Variants in TSPAN12 observed in about 807,000 individuals in gnomAD.
TSPAN12 encodes tetraspanin-12.
Under a neutral mutation model 39.2 loss-of-function variants are expected in TSPAN12, and 19 were observed. The ratio of observed to expected loss-of-function variants is 0.49; its 90% CI spans 0.34 to 0.71. The LOEUF is 0.71. TSPAN12 is among the 30% of genes least tolerant of loss of function. The probability of loss-of-function intolerance (pLI) is 0.01; values close to 1 mark genes in which losing one functional copy is unlikely to be tolerated. For synonymous variants in TSPAN12, 119 were observed against 124.8 expected (o/e 0.95, Z 0.31); for missense variants, 314 against 359.9 (o/e 0.87, Z 1.03).
At chr7:120,798,466 C>G (rs1273032087) in intron 7 of TSPAN12, among the ~76,000 whole-genome samples, 1 of 152,180 alleles carries the variant, frequency 6.6e-6, no homozygotes, top group African/African-American at 2.4e-5. Context: ...ACTGAACCTG[C>G]AAACTGCAAA....
chr7:120,804,732 G>A (rs2116341552), intron 7 of TSPAN12, among the ~76,000 whole-genome samples: 1 of 152,212 alleles, frequency 6.6e-6, no homozygotes, highest in South Asian at 2.1e-4. Context: ...TTGGAACATA[G>A]GATTGTTGCA....
intron 1 of TSPAN12, 40 bp from the exon 2 acceptor site, chr7:120,856,873 C>T (rs1295979961): frequency 2.5e-6 from 3 of 1,200,880 alleles, no homozygotes; most frequent in African/African-American, 1.5e-5. Flanking sequence ...GACATCTCAC[C>T]ATCACGCTTC....
chr7:120,831,848 A>G (rs952735474), intron 4 of TSPAN12, among the ~76,000 whole-genome samples: 1 of 152,082 alleles, frequency 6.6e-6, no homozygotes, highest in Non-Finnish European at 1.5e-5. Context: ...AAGTGGATGC[A>G]GTGGATATGT....
intron 5 of TSPAN12, among the ~76,000 whole-genome samples, chr7:120,812,649 T>C (rs1158563893): frequency 1.3e-5 from 2 of 151,878 alleles, no homozygotes; most frequent in Non-Finnish European, 2.9e-5. Flanking sequence ...TGGGCACACA[T>C]TTTTTTCCCC....
chr7:120,848,530 G>A (rs956263628), intron 2 of TSPAN12, among the ~76,000 whole-genome samples: 1 of 152,150 alleles, frequency 6.6e-6, no homozygotes, highest in Admixed American at 6.5e-5. Context: ...AAGAAAGATG[G>A]TTTCTGAAAA....
intron 7 of TSPAN12, among the ~76,000 whole-genome samples, chr7:120,794,282 C>T (rs1793588700): frequency 6.6e-6 from 1 of 152,104 alleles, no homozygotes. Flanking sequence ...TAGAAACTTG[C>T]AGCAGACAGG....
chr7:120,790,008 C>A (rs115285299), intron 7 of TSPAN12, among the ~76,000 whole-genome samples: 5,285 of 152,228 alleles, frequency 0.035, 136 homozygotes, highest in African/African-American at 0.067. Context: ...TACACCTGAT[C>A]TGACCAATCT....
At chr7:120,801,228 T>C (rs925140726) in intron 7 of TSPAN12, among the ~76,000 whole-genome samples, 4 of 152,144 alleles carry the variant, frequency 2.6e-5, no homozygotes, top group Non-Finnish European at 5.9e-5. Context: ...ACATTTGTCA[T>C]CATGGGGTTC....
In TSPAN12 at chr7:120,838,764, T is replaced by C. The variant is rs1445495258; in HGVS notation, c.285+13A>G. 4 of 1,612,324 alleles carry C rather than the reference T, an allele frequency of 2.5e-6. No individual in the cohort carries two copies. The African/African-American group carries it at 4.0e-5, about 16-fold the overall frequency. On this transcript the variant is annotated intron_variant, in intron 4 of 7. Coordinates refer to ENST00000222747, the MANE Select transcript of TSPAN12 (RefSeq NM_012338.4). ...CTTTTTAACTATAATAAAGAGAAAA[T>C]ATAACATCATACCCATGCAAGAAGC...
At chr7:120,809,229 C>G (rs1297954791) in intron 6 of TSPAN12, among the ~76,000 whole-genome samples, 1 of 152,008 alleles carries the variant, frequency 6.6e-6, no homozygotes. Context: ...CTAGGTGCAG[C>G]TTCCATCAGA....
intron 5 of TSPAN12, 60 bp downstream of exon 5, chr7:120,815,669 A>G (rs1794065238): frequency 7.0e-7 from 1 of 1,427,772 alleles, no homozygotes; most frequent in Non-Finnish European, 9.8e-7. Flanking sequence ...TAACACAAGT[A>G]TCTAATTTAA....
At position 120,787,931 on chromosome 7, in the gene TSPAN12, A is replaced by C. The variant is rs537521080; in HGVS notation, c.*661T>G. 18 of 153,232 alleles carry C rather than the reference A, an allele frequency of 1.2e-4. No individual in the cohort carries two copies. The highest frequency in any genetic ancestry group is 4.3e-4 in the African/African-American group (18 of 41,570). 9.5% of individuals were successfully genotyped at this position (153,232 alleles called of 1,614,324 possible). A position where few individuals can be genotyped will look rare whatever the true frequency, so the allele number is the denominator to read the frequency against. On this transcript the variant is annotated 3_prime_UTR_variant, in exon 8 of 8. Transcript: ENST00000222747. Reference sequence around the variant, plus strand: ...ATACAGGACAAATTTTCCTTTTCATAATGGTTATTCTTAACATTATCAGAA... The same window carrying C: ...ATACAGGACAAATTTTCCTTTTCATCATGGTTATTCTTAACATTATCAGAA...
At chr7:120,792,457 A>G (rs1657517482) in intron 7 of TSPAN12, among the ~76,000 whole-genome samples, 2 of 152,160 alleles carry the variant, frequency 1.3e-5, no homozygotes, top group Admixed American at 1.3e-4. Flanking sequence ...ACAAGCTCTG[A>G]CATATTCGTG....
chr7:120,835,854 TAAG>T (rs1287618114), intron 4 of TSPAN12, among the ~76,000 whole-genome samples: 3 of 152,328 alleles, frequency 2.0e-5, no homozygotes, highest in Middle Eastern at 6.8e-3. Flanking sequence ...AATTTCTGGC[TAAG>T]AAGACAGCAA....
intron 2 of TSPAN12, among the ~76,000 whole-genome samples, chr7:120,845,607 T>G (rs1408734601): frequency 6.6e-6 from 1 of 152,216 alleles, no homozygotes; most frequent in African/African-American, 2.4e-5. Context: ...CACAGATACC[T>G]AAAGCAGGGG....
At chr7:120,806,470 C>A in intron 7 of TSPAN12, 79 bp downstream of exon 7, 1 of 1,534,934 alleles carries the variant, frequency 6.5e-7, no homozygotes, top group South Asian at 1.1e-5. Context: ...AGGAAAATTT[C>A]ATTGGCATAT....
chr7:120,830,206 T>TA (rs1249039543), intron 4 of TSPAN12, among the ~76,000 whole-genome samples: 2 of 152,132 alleles, frequency 1.3e-5, no homozygotes, highest in Non-Finnish European at 2.9e-5. Flanking sequence ...TTAATATTGT[T>TA]AAAATGTCCA....
intron 6 of TSPAN12, 35 bp downstream of exon 6, chr7:120,810,428 T>C: frequency 7.5e-7 from 1 of 1,336,560 alleles, no homozygotes; most frequent in Non-Finnish European, 1.1e-6. Flanking sequence ...CACCACTTAC[T>C]TCACTCTCTC....
chr7:120,795,136 G>A (rs1793606465), intron 7 of TSPAN12, among the ~76,000 whole-genome samples: 2 of 152,156 alleles, frequency 1.3e-5, no homozygotes, highest in Admixed American at 6.5e-5. Context: ...TTCATAAAGA[G>A]TATTTTATTC....
Sources: allele counts gnomAD v4.1 joint callset (sites outside exome capture counted in the v4.1 genomes callset), GRCh38; gene constraint gnomAD v4.1.1; transcripts MANE v1.5; gene names NCBI Gene and HGNC (gene_info 2026-07-23, HGNC 2026-07-21).